The following TMEM14B variants were observed in gnomAD, a reference collection of about 807,000 sequenced individuals.
TMEM14B encodes transmembrane protein 14B.
Under a neutral mutation model 14.8 loss-of-function variants are expected in TMEM14B, and 9 were observed. That is an observed-to-expected ratio of 0.61 (90% confidence interval 0.37 to 1.06). The LOEUF (loss-of-function observed/expected upper bound fraction) is 1.06, where lower values mean the gene tolerates loss of function less well. Among genes scored for constraint, TMEM14B ranks in the 50% least tolerant of loss-of-function variants. The probability of loss-of-function intolerance (pLI) is 0.01; values close to 1 mark genes in which losing one functional copy is unlikely to be tolerated. For synonymous variants in TMEM14B, 40 were observed against 51.3 expected (o/e 0.78, Z 0.94); for missense variants, 128 against 143.6 (o/e 0.89, Z 0.56).
In TMEM14B at chr6:10,754,729, C is replaced by G. The variant is rs539079967; in HGVS notation, c.203-413C>G. 1.6e-4 allele frequency among the ~76,000 whole-genome samples: 24 copies of G among 152,362 alleles called. No homozygotes were observed. In the South Asian group the frequency reaches 4.8e-3, roughly 30 times the overall value. The stretch of plus-strand genomic sequence containing the variant: ...CGATTACTTTTGTATTCTCCAGCTC[C>G]TAGCACAGCGCTTGACATGTAGTAG... On this transcript the variant is annotated intron_variant, in intron 4 of 5. Transcript: ENST00000379542.
At chr6:10,748,317 C>A (rs1488436310) in intron 1 of TMEM14B, among the ~76,000 whole-genome samples, 3 of 152,064 alleles carry the variant, frequency 2.0e-5, no homozygotes, top group Non-Finnish European at 4.4e-5. Context: ...CTGAATATGT[C>A]TTATTGCAGC....
Position 10,756,735 on chromosome 6 carries a change from C to G in TMEM14B, c.*217C>G, listed in dbSNP as rs1042266560. ...TGTAACATGAGCTTATTGAGACCAT[C>G]ATAGAGATCGATTCTTGTATATTGA... On this transcript the variant is annotated 3_prime_UTR_variant, in exon 6 of 6. Transcript: ENST00000379542. 4.9e-6 allele frequency: 6 copies of G among 1,231,870 alleles called. No homozygotes were observed. In the African/African-American group the frequency reaches 9.5e-5, roughly 19 times the overall value. 76.3% of individuals were successfully genotyped at this position (1,231,870 alleles called of 1,614,324 possible).
intron 3 of TMEM14B, among the ~76,000 whole-genome samples, chr6:10,750,456 A>G (rs891355457): frequency 2.0e-5 from 3 of 150,858 alleles, no homozygotes; most frequent in African/African-American, 7.3e-5. Context: ...GGGTCTAGTT[A>G]AAACAATTTT....
rs116859708 is a variant in TMEM14B, at chr6:10,749,534, T to G, written c.24-88T>G. 956 of 1,472,144 alleles carry G rather than the reference T, an allele frequency of 6.5e-4. 16 individuals carry two copies. In the East Asian group the frequency reaches 0.019, roughly 29 times the overall value. 91.2% of individuals were successfully genotyped at this position (1,472,144 alleles called of 1,614,324 possible). On this transcript the variant is annotated intron_variant, in intron 2 of 5. Transcript: ENST00000379542. ...GCACATAGGACCTGTGGGGAATGAT[T>G]ACCTTTTAGCCCCATCCTATGACAA...
chr6:10,755,314 T>C, intron 5 of TMEM14B, 82 bp downstream of exon 5: 1 of 1,599,322 alleles, frequency 6.3e-7, no homozygotes, highest in Non-Finnish European at 8.5e-7. Flanking sequence ...AAACCTTACT[T>C]GTTTCAGAGT....
At chr6:10,757,756 C>T (rs549177569), downstream of TMEM14B, among the ~76,000 whole-genome samples, 20 of 152,138 alleles carry the variant, frequency 1.3e-4, no homozygotes, top group African/African-American at 3.4e-4. Context: ...TTTGGGAGGC[C>T]GAGATGGGTG....
intron 4 of TMEM14B, among the ~76,000 whole-genome samples, chr6:10,754,133 T>G (rs1329607332): frequency 1.3e-5 from 2 of 152,158 alleles, no homozygotes. Flanking sequence ...GGCTTCAGCA[T>G]TGCTTGAACC....
downstream of TMEM14B, among the ~76,000 whole-genome samples, chr6:10,758,250 T>C (rs962363178): frequency 4.6e-5 from 7 of 152,190 alleles, no homozygotes; most frequent in African/African-American, 1.7e-4. Context: ...TTGGCCATTT[T>C]TTCATGTGTC....
intron 4 of TMEM14B, among the ~76,000 whole-genome samples, chr6:10,751,824 A>G (rs1771584465): frequency 6.6e-6 from 1 of 152,106 alleles, no homozygotes; most frequent in Admixed American, 6.5e-5. Context: ...CAGGACTGGA[A>G]AGGTACCCTG....
intron 2 of TMEM14B, 122 bp downstream of exon 2, chr6:10,749,390 A>G (rs563451292): frequency 3.0e-6 from 4 of 1,318,202 alleles, no homozygotes; most frequent in Non-Finnish European, 4.3e-6. Context: ...TGGGAGGATC[A>G]CTGGACCTGT....
chr6:10,749,308 T>A (rs1561912949), intron 2 of TMEM14B, 40 bp downstream of exon 2: 1 of 1,612,122 alleles, frequency 6.2e-7, no homozygotes, highest in Non-Finnish European at 8.5e-7. Context: ...GCCAGGAGCT[T>A]CTGGAAACCA....
downstream of TMEM14B, among the ~76,000 whole-genome samples, chr6:10,757,990 CAAAA>C (rs796233052): frequency 9.4e-6 from 1 of 106,384 alleles, no homozygotes; most frequent in South Asian, 3.0e-4. Flanking sequence ...GACTCTGTCT[CAAAA>C]AAAAAAAAAA....
chr6:10,748,578 G>T (rs975932076), intron 1 of TMEM14B, among the ~76,000 whole-genome samples: 1 of 152,296 alleles, frequency 6.6e-6, no homozygotes. Flanking sequence ...AATAAACGGC[G>T]TATGCATTGC....
chr6:10,754,465 A>G (rs1412734670), intron 4 of TMEM14B, among the ~76,000 whole-genome samples: 1 of 152,164 alleles, frequency 6.6e-6, no homozygotes, highest in Non-Finnish European at 1.5e-5. Context: ...CTGCCTGGAA[A>G]GGGCATTCCC....
At chr6:10,757,083 C>T, downstream of TMEM14B, 1 of 772,490 alleles carries the variant, frequency 1.3e-6, no homozygotes, top group Non-Finnish European at 1.6e-6. Context: ...TAGAAATTAC[C>T]TATTTTGAGT....
chr6:10,751,730 C>G (rs1422523118), intron 4 of TMEM14B, among the ~76,000 whole-genome samples: 2 of 152,038 alleles, frequency 1.3e-5, no homozygotes, highest in African/African-American at 4.8e-5. Flanking sequence ...TAGCAGTCAG[C>G]TAACTAAATA....
At chr6:10,755,034 A>T in intron 4 of TMEM14B, 108 bp from the exon 5 acceptor site, 2 of 1,171,914 alleles carry the variant, frequency 1.7e-6, no homozygotes, top group Non-Finnish European at 2.4e-6. Flanking sequence ...AGGAGGAATA[A>T]GCATAGGATG....
intron 5 of TMEM14B, chr6:10,755,575 A>G: frequency 7.9e-7 from 1 of 1,269,332 alleles, no homozygotes; most frequent in South Asian, 3.0e-5. Context: ...TGTCTTTTGT[A>G]GAAAATTTTG....
chr6:10,753,572 T>C (rs1771675023), intron 4 of TMEM14B, among the ~76,000 whole-genome samples: 1 of 151,932 alleles, frequency 6.6e-6, no homozygotes, highest in Non-Finnish European at 1.5e-5. Context: ...CCTATGCCTT[T>C]AATTTCCACC....
Sources: allele counts gnomAD v4.1 joint callset (sites outside exome capture counted in the v4.1 genomes callset), GRCh38; gene constraint gnomAD v4.1.1; transcripts MANE v1.5; gene names NCBI Gene and HGNC (gene_info 2026-07-23, HGNC 2026-07-21).